Variants in WWTR1 observed in about 807,000 individuals in gnomAD.
The protein encoded by WWTR1 is WW domain containing transcription regulator 1.
WWTR1 carries 13 observed loss-of-function variants against 40.1 expected under a neutral mutation model. The ratio of observed to expected loss-of-function variants is 0.32; its 90% CI spans 0.21 to 0.52. The LOEUF (loss-of-function observed/expected upper bound fraction) is 0.52, where lower values mean the gene tolerates loss of function less well. WWTR1 is among the 20% of genes least tolerant of loss of function. The probability of loss-of-function intolerance (pLI) is 0.97; values close to 1 mark genes in which losing one functional copy is unlikely to be tolerated. For synonymous variants in WWTR1, 230 were observed against 210.1 expected, an observed-to-expected ratio of 1.09 and a Z score of -0.82; for missense variants, 436 against 523.1, an observed-to-expected ratio of 0.83 and a Z score of 1.63.
chr3:149,637,226 G>A (rs1475149056), intron 2 of WWTR1, among the ~76,000 whole-genome samples: 1 of 112,230 alleles, frequency 8.9e-6, no homozygotes, highest in Non-Finnish European at 1.9e-5. Flanking sequence ...AGCATATTGA[G>A]TATGTTTTTT....
At chr3:149,601,619 T>C (rs1358243360) in intron 2 of WWTR1, among the ~76,000 whole-genome samples, 1 of 152,066 alleles carries the variant, frequency 6.6e-6, no homozygotes, top group Non-Finnish European at 1.5e-5. Context: ...AAAACCAACC[T>C]AAAAAACCCA....
At chr3:149,679,231 G>T (rs1458318409) in intron 1 of WWTR1, among the ~76,000 whole-genome samples, 2 of 152,340 alleles carry the variant, frequency 1.3e-5, no homozygotes, top group Middle Eastern at 6.8e-3. Context: ...GGTTGGCGAT[G>T]AGCATTTTGG....
chr3:149,598,562 C>T (rs1217312745), intron 2 of WWTR1, among the ~76,000 whole-genome samples: 3 of 152,148 alleles, frequency 2.0e-5, no homozygotes, highest in African/African-American at 7.2e-5. Context: ...GGATTACAGG[C>T]GTGAGCCACT....
At chr3:149,553,440 T>G (rs1041253393) in intron 3 of WWTR1, among the ~76,000 whole-genome samples, 1 of 152,178 alleles carries the variant, frequency 6.6e-6, no homozygotes, top group African/African-American at 2.4e-5. Context: ...TCAACGTGAA[T>G]CGCATGTTTT....
intron 6 of WWTR1, among the ~76,000 whole-genome samples, chr3:149,521,276 CAA>C: frequency 6.6e-6 from 1 of 152,260 alleles, no homozygotes. Flanking sequence ...AACTGTTTTA[CAA>C]AAGAGTAGAG....
intron 1 of WWTR1, among the ~76,000 whole-genome samples, chr3:149,684,847 C>T (rs1374520183): frequency 6.6e-6 from 1 of 152,106 alleles, no homozygotes; most frequent in African/African-American, 2.4e-5. Flanking sequence ...TACAGGTGTG[C>T]TCCACTGTAC....
At chr3:149,530,430 C>T (rs2107914598) in intron 4 of WWTR1, among the ~76,000 whole-genome samples, 1 of 151,790 alleles carries the variant, frequency 6.6e-6, no homozygotes, top group East Asian at 1.9e-4. Flanking sequence ...ATTTCTGGAA[C>T]TTCATGGGAT....
chr3:149,703,593 T>C (rs1050508216), upstream of WWTR1, among the ~76,000 whole-genome samples: 1 of 152,178 alleles, frequency 6.6e-6, no homozygotes, highest in Non-Finnish European at 1.5e-5. Context: ...TGGATGTTTA[T>C]ACCCTCCAAG....
intron 5 of WWTR1, among the ~76,000 whole-genome samples, chr3:149,716,114 G>A (rs1054426446): frequency 1.3e-5 from 2 of 152,146 alleles, no homozygotes; most frequent in African/African-American, 4.8e-5. Flanking sequence ...CTGGCGTGGT[G>A]GCTCATGCCT....
chr3:149,661,448 G>A (rs1239438690), upstream of WWTR1: 1 of 151,562 alleles, frequency 6.6e-6, no homozygotes, highest in African/African-American at 2.4e-5. Context: ...CTCAGACAGG[G>A]TTTCACTTTG....
In WWTR1 at chr3:149,520,563, T is replaced by C. The variant is rs1734995201; in HGVS notation, c.*242A>G. On this transcript the variant is annotated 3_prime_UTR_variant, in exon 7 of 7. Transcript: ENST00000360632. ...ATAATCAATCCTGCAGACACAATTC[T>C]GTATAATCTGTCACAAGAACGCAGG... The C allele has an allele frequency of 2.7e-6, 1 of 364,166 alleles. No homozygotes were observed. Among genetic ancestry groups the C allele is most frequent in the South Asian group, 1.1e-4 (1 of 9,048 alleles). The allele number at this position is 364,166 out of a possible 1,614,324, so 22.6% of individuals were successfully genotyped here. A position where few individuals can be genotyped will look rare whatever the true frequency, so the allele number is the denominator to read the frequency against.
At chr3:149,611,457 C>A (rs1665849060) in intron 2 of WWTR1, among the ~76,000 whole-genome samples, 1 of 152,222 alleles carries the variant, frequency 6.6e-6, no homozygotes, top group Admixed American at 6.5e-5. Context: ...AGCCAAAAAA[C>A]AATCTGGACT....
rs533731860 is a variant in WWTR1, at chr3:149,529,091, G to C, written c.772-1122C>G. Reference sequence around the variant, plus strand: ...TTTCAAATTTGCTGATGTTTCCAGAGAATACTTTTGTATGTTTACATTTGC... The same window carrying C: ...TTTCAAATTTGCTGATGTTTCCAGACAATACTTTTGTATGTTTACATTTGC... On this transcript the variant is annotated intron_variant, in intron 4 of 6. Transcript: ENST00000360632. Among the ~76,000 whole-genome samples the C allele has an allele frequency of 2.6e-5, 4 of 152,268 alleles. No homozygotes were observed. In the South Asian group the frequency reaches 8.3e-4, roughly 32 times the overall value.
chr3:149,601,593 T>G (rs988158348), intron 2 of WWTR1, among the ~76,000 whole-genome samples: 4 of 152,134 alleles, frequency 2.6e-5, no homozygotes, highest in Non-Finnish European at 5.9e-5. Context: ...CTTGGGAACT[T>G]CCTAATACTT....
intron 4 of WWTR1, 38 bp downstream of exon 4, chr3:149,542,297 G>A (rs755476377): frequency 6.3e-7 from 1 of 1,596,882 alleles, no homozygotes; most frequent in South Asian, 1.1e-5. Context: ...TGGCACCAAG[G>A]CCAGGGAGCC....
At chr3:149,526,808 C>A (rs1019123088) in intron 5 of WWTR1, among the ~76,000 whole-genome samples, 1 of 152,160 alleles carries the variant, frequency 6.6e-6, no homozygotes, top group African/African-American at 2.4e-5. Flanking sequence ...GTTTGCCAGA[C>A]GTCTCTGCAA....
At chr3:149,575,277 T>C (rs1737832514) in intron 2 of WWTR1, among the ~76,000 whole-genome samples, 1 of 152,238 alleles carries the variant, frequency 6.6e-6, no homozygotes, top group Non-Finnish European at 1.5e-5. Context: ...ATAGCCAGCC[T>C]CAGGCTTGTC....
chr3:149,719,359 C>G (rs963737151), intron 4 of WWTR1, among the ~76,000 whole-genome samples: 1 of 151,590 alleles, frequency 6.6e-6, no homozygotes, highest in Non-Finnish European at 1.5e-5. Flanking sequence ...TTAGTAGAGA[C>G]AGGGTTTCAC....
chr3:149,551,219 C>T (rs1736605681), intron 3 of WWTR1, among the ~76,000 whole-genome samples: 1 of 144,380 alleles, frequency 6.9e-6, no homozygotes, highest in African/African-American at 2.6e-5. Context: ...ATCGTTTGAA[C>T]CCAGGAGGCA....
Sources: gnomAD v4.1 joint callset for allele counts (sites outside exome capture counted in the v4.1 genomes callset) on GRCh38, gnomAD v4.1.1 for gene constraint, MANE v1.5 for transcripts, NCBI Gene and HGNC (gene_info 2026-07-23, HGNC 2026-07-21) for gene names.